The following CRACD variants were observed in gnomAD, a reference collection of about 807,000 sequenced individuals.
CRACD encodes the protein capping protein-inhibiting regulator of actin dynamics.
Under a neutral mutation model 106.8 loss-of-function variants are expected in CRACD, and 56 were observed. The ratio of observed to expected loss-of-function variants is 0.52; its 90% CI spans 0.42 to 0.66. CRACD has a LOEUF of 0.66. CRACD is among the 30% of genes least tolerant of loss of function. The pLI is 0.00. For missense variants in CRACD, 1,730 were observed against 1,623.2 expected, an observed-to-expected ratio of 1.07 and a Z score of -1.13; for synonymous variants, 754 against 670.8, an observed-to-expected ratio of 1.12 and a Z score of -1.92.
chr4:56,105,652 T>C (rs537676260), intron 1 of CRACD, among the ~76,000 whole-genome samples: 105 of 152,330 alleles, frequency 6.9e-4, no homozygotes, highest in Non-Finnish European at 1.2e-3. Flanking sequence ...GTTATTATTA[T>C]TATCTGATGC....
chr4:56,154,049 G>A (rs1735681757), intron 1 of CRACD, among the ~76,000 whole-genome samples: 1 of 152,218 alleles, frequency 6.6e-6, no homozygotes, highest in African/African-American at 2.4e-5. Context: ...TTGTGCCAGA[G>A]TGCAAGCAGA....
intron 1 of CRACD, among the ~76,000 whole-genome samples, chr4:56,057,628 T>TTG (rs1560438118): frequency 1.4e-5 from 2 of 148,122 alleles, no homozygotes. Flanking sequence ...AGGTTGGGTT[T>TTG]TTTTTTTTTT....
intron 1 of CRACD, among the ~76,000 whole-genome samples, chr4:56,129,221 G>A (rs935508886): frequency 6.6e-6 from 1 of 152,108 alleles, no homozygotes; most frequent in South Asian, 2.1e-4. Context: ...GACTACAGGC[G>A]CATGCCTGGC....
intron 2 of CRACD, among the ~76,000 whole-genome samples, chr4:56,253,597 T>G (rs1741170481): frequency 6.6e-6 from 1 of 152,240 alleles, no homozygotes; most frequent in Admixed American, 6.5e-5. Flanking sequence ...TGAGCCACTG[T>G]TCATGGACTC....
chr4:56,091,151 C>T (rs7656031), intron 1 of CRACD, among the ~76,000 whole-genome samples: 7,129 of 152,126 alleles, frequency 0.047, 191 homozygotes, highest in Non-Finnish European at 0.055. Context: ...CTCCTGGGCT[C>T]AAGCAATCTT....
chr4:56,230,002 T>C (rs1233708163), intron 2 of CRACD, among the ~76,000 whole-genome samples: 1 of 152,250 alleles, frequency 6.6e-6, no homozygotes, highest in Admixed American at 6.5e-5. Flanking sequence ...AGCATGTCTT[T>C]ATGTTTGCCC....
chr4:56,189,209 T>C (rs1163502980), intron 2 of CRACD, among the ~76,000 whole-genome samples: 3 of 151,398 alleles, frequency 2.0e-5, no homozygotes, highest in African/African-American at 4.9e-5. Context: ...AAAAACCATA[T>C]TGGACACTCA....
Position 56,315,125 on chromosome 4 carries a change from G to A in CRACD, c.1623G>A (p.Val541=), listed in dbSNP as rs749673313. 6.2e-7 allele frequency: 1 copy of A among 1,610,360 alleles called. No individual in the cohort carries two copies. The highest frequency in any genetic ancestry group is 1.1e-5 in the South Asian group (1 of 89,988). ...QTMPRPYTFQ[V]SSGGKQILFP... ...TGCCCCGGCCCTACACGTTCCAGGTGTCCTCCGGAGGGAAGCAGATTCTCT... is the reference window on the plus strand; with the variant it reads ...TGCCCCGGCCCTACACGTTCCAGGTATCCTCCGGAGGGAAGCAGATTCTCT... The change falls in exon 8 of 11, where the codon GTG becomes GTA. Residue 541 remains valine (V), a synonymous_variant. Transcript: ENST00000682029. The surrounding 1 kb of genome is among the most constrained non-coding windows in gnomAD (Gnocchi z 4.1).
At chr4:56,179,120 T>G (rs1736705256) in intron 1 of CRACD, among the ~76,000 whole-genome samples, 164 bp from the exon 2 acceptor site, 1 of 152,024 alleles carries the variant, frequency 6.6e-6, no homozygotes, top group Non-Finnish European at 1.5e-5. Context: ...GGCTAAACAG[T>G]GCAAATCGAA....
intron 2 of CRACD, among the ~76,000 whole-genome samples, chr4:56,199,900 AAT>A (rs2109471809): frequency 6.6e-6 from 1 of 152,150 alleles, no homozygotes; most frequent in African/African-American, 2.4e-5. Context: ...CCAAGCTGGG[AAT>A]AGTGTCTCTT....
At position 56,315,425 on chromosome 4, in the gene CRACD, C is replaced by T. The variant is rs1386839581; in HGVS notation, c.1923C>T (p.Gly641=). The T allele has an allele frequency of 1.9e-6, 3 of 1,612,626 alleles. No homozygotes were observed. Among genetic ancestry groups the T allele is most frequent in the South Asian group, 1.1e-5 (1 of 91,044 alleles). ...EAPAGENPPR[G]PGDARAGSGK... is the part of the protein sequence containing the mutation. ...CAGCTGGGGAGAACCCTCCCCGAGG[C>T]CCCGGCGACGCGAGGGCGGGCAGCG... Residue 641 remains glycine, a synonymous_variant, in exon 8 of 11, where the codon GGC becomes GGT. Coordinates refer to ENST00000682029, the MANE Select transcript of CRACD (RefSeq NM_001393381.1). This position sits in a 1 kb window ranked among gnomAD's most constrained non-coding sequence, Gnocchi z 4.1.
At chr4:56,248,496 TA>T (rs1433709791) in intron 2 of CRACD, among the ~76,000 whole-genome samples, 3 of 146,376 alleles carry the variant, frequency 2.0e-5, no homozygotes, top group East Asian at 2.9e-4. Flanking sequence ...CTCAATGCAT[TA>T]TTTTTTTTTT....
intron 3 of CRACD, among the ~76,000 whole-genome samples, chr4:56,285,635 G>T (rs1380620218): frequency 6.6e-6 from 1 of 151,990 alleles, no homozygotes; most frequent in African/African-American, 2.4e-5. Flanking sequence ...TAGAGACAGG[G>T]TCTTGTAGTG....
At chr4:56,289,117 A>T (rs533030444) in intron 3 of CRACD, among the ~76,000 whole-genome samples, 1 of 152,282 alleles carries the variant, frequency 6.6e-6, no homozygotes, top group South Asian at 2.1e-4. Context: ...GGGACTGCGG[A>T]GAGGGGAGAA....
intron 1 of CRACD, among the ~76,000 whole-genome samples, chr4:56,052,147 C>T (rs765651191): frequency 5.3e-5 from 8 of 152,072 alleles, no homozygotes; most frequent in Non-Finnish European, 1.2e-4. Flanking sequence ...CCTTGGCCTC[C>T]CAAAATACTA....
chr4:56,105,647 T>G (rs1241728651), intron 1 of CRACD, among the ~76,000 whole-genome samples: 1 of 152,214 alleles, frequency 6.6e-6, no homozygotes, highest in South Asian at 2.1e-4. Flanking sequence ...ATGTTGTTAT[T>G]ATTATTATCT....
At chr4:56,228,070 C>T (rs999799162) in intron 2 of CRACD, among the ~76,000 whole-genome samples, 1 of 152,176 alleles carries the variant, frequency 6.6e-6, no homozygotes, top group Non-Finnish European at 1.5e-5. Flanking sequence ...GGCCCCTACC[C>T]TGTCCCTGCC....
chr4:56,305,721 C>T (rs1041354027), intron 4 of CRACD, among the ~76,000 whole-genome samples: 2 of 152,196 alleles, frequency 1.3e-5, no homozygotes, highest in Admixed American at 1.3e-4. Flanking sequence ...GGCTGTGCTC[C>T]TGACTTGGCA....
intron 2 of CRACD, among the ~76,000 whole-genome samples, chr4:56,221,683 A>T (rs576618260): frequency 1.3e-5 from 2 of 152,142 alleles, no homozygotes; most frequent in African/African-American, 4.8e-5. Flanking sequence ...TAAAATAAAA[A>T]AACTCCAAAA....
Sources: allele counts gnomAD v4.1 joint callset (sites outside exome capture counted in the v4.1 genomes callset), GRCh38; gene constraint gnomAD v4.1.1; non-coding constraint Gnocchi (gnomAD v3.1); transcripts MANE v1.5; gene names NCBI Gene and HGNC (gene_info 2026-07-23, HGNC 2026-07-21).